MKKS: variants seen among roughly 807,000 people sequenced by gnomAD.
MKKS encodes the protein MKKS centrosomal shuttling protein, also known as molecular chaperone MKKS.
MKKS carries 29 observed loss-of-function variants against 33.2 expected under a neutral mutation model. The observed-to-expected ratio is 0.87, with a 90% CI of 0.65 to 1.19. The LOEUF is 1.19. Among genes scored for constraint, MKKS ranks in the 50% most tolerant of loss-of-function variants. MKKS has a pLI of 0.00. For missense variants in MKKS, 661 were observed against 662.3 expected (o/e 1.00, Z 0.02); for synonymous variants, 260 against 244.0 (o/e 1.07, Z -0.61).
intron 1 of MKKS, among the ~76,000 whole-genome samples, chr20:10,424,749 T>G (rs1211192608): frequency 6.6e-6 from 1 of 152,138 alleles, no homozygotes; most frequent in African/African-American, 2.4e-5. Flanking sequence ...CCTCTGTGGT[T>G]TTTTACAAAA....
intron 2 of MKKS, among the ~76,000 whole-genome samples, chr20:10,416,369 C>G (rs368570643): frequency 4.0e-5 from 6 of 151,542 alleles, no homozygotes; most frequent in East Asian, 3.9e-4. Context: ...CTTTTCTGCC[C>G]AAAAGTAAGG....
At chr20:10,415,453 T>C (rs6133919) in intron 2 of MKKS, among the ~76,000 whole-genome samples, 21,925 of 152,166 alleles carry the variant, frequency 0.14, 1,778 homozygotes, top group East Asian at 0.24. Flanking sequence ...GCTGTAACCA[T>C]GGCAACTGGG....
chr20:10,433,381 C>T (rs995586505), intron 1 of MKKS, among the ~76,000 whole-genome samples: 1 of 152,210 alleles, frequency 6.6e-6, no homozygotes. Context: ...ATTGTTTCTC[C>T]CCCATCACTA....
intron 1 of MKKS, among the ~76,000 whole-genome samples, chr20:10,433,137 G>A (rs2065066246): frequency 6.6e-6 from 1 of 152,238 alleles, no homozygotes; most frequent in Non-Finnish European, 1.5e-5. Flanking sequence ...CCAAGTAGCT[G>A]GGATTACAGG....
chr20:10,421,522 T>G (rs534141636), intron 1 of MKKS, among the ~76,000 whole-genome samples: 1 of 152,170 alleles, frequency 6.6e-6, no homozygotes, highest in East Asian at 1.9e-4. Flanking sequence ...TCTGACAGGA[T>G]GTAGTGATAG....
Sources: gnomAD v4.1 joint callset for allele counts (sites outside exome capture counted in the v4.1 genomes callset) on GRCh38, gnomAD v4.1.1 for gene constraint, MANE v1.5 for transcripts, NCBI Gene and HGNC (gene_info 2026-07-23, HGNC 2026-07-21) for gene names.